Variants in LAS1L observed in about 807,000 individuals in gnomAD.
LAS1L encodes the protein ribosomal biogenesis protein LAS1L.
In LAS1L, 5 loss-of-function variants were observed where a neutral mutation model predicts 57.3. That is an observed-to-expected ratio of 0.09 (90% CI 0.05 to 0.18). The LOEUF (loss-of-function observed/expected upper bound fraction) is 0.18, where lower values mean the gene tolerates loss of function less well. Among genes scored for constraint, LAS1L ranks in the 10% least tolerant of loss-of-function variants. LAS1L has a pLI of 1.00. For missense variants in LAS1L, 360 were observed against 568.3 expected, an observed-to-expected ratio of 0.63 and a Z score of 3.73; for synonymous variants, 245 against 231.7, an observed-to-expected ratio of 1.06 and a Z score of -0.52.
intron 3 of LAS1L, among the ~76,000 whole-genome samples, chrX:65,532,047 C>T (rs760757892): frequency 8.9e-6 from 1 of 112,511 alleles, no homozygotes; most frequent in Non-Finnish European, 1.9e-5. Context: ...TCCCTCTAGC[C>T]TGTCCTTCTC....
Position 65,534,758 on chromosome X carries a change from G to T in LAS1L, c.-43C>A, listed in dbSNP as rs1362680316. 1 of 1,054,082 alleles carries T rather than the reference G, an allele frequency of 9.5e-7. No homozygotes were observed. The highest frequency in any genetic ancestry group is 1.3e-6 in the Non-Finnish European group (1 of 774,790). The allele number at this position is 1,054,082 out of a possible 1,213,427, so 86.9% of individuals were successfully genotyped here. A position where few individuals can be genotyped will look rare whatever the true frequency, so the allele number is the denominator to read the frequency against. On this transcript the variant is annotated 5_prime_UTR_variant, in exon 1 of 14. In the 5' UTR this introduces an upstream ATG that the reference lacks. Transcript: ENST00000374811. ...GCTCTGTGCCGCGCCGCTCCGCACA[G>T]CCTTCAGCTCAGCGTGCTACCCTCA...
At position 65,528,336 on chromosome X, in the gene LAS1L, T is replaced by C. The variant is rs2069278345; in HGVS notation, c.880A>G (p.Ile294Val). 1 of 1,189,897 alleles carries C rather than the reference T, an allele frequency of 8.4e-7. No individual in the cohort carries two copies. Among genetic ancestry groups the C allele is most frequent in the Non-Finnish European group, 1.1e-6 (1 of 881,730 alleles). The change falls in exon 7 of 14, where the codon ATT (isoleucine) becomes GTT (valine). Residue 294 changes from isoleucine to valine, a missense_variant. Ile to Val is a conservative substitution (Grantham distance 29). Coordinates refer to ENST00000374811, the MANE Select transcript of LAS1L (RefSeq NM_031206.7). ...LEKFRYLPKA[I>V]KAWNNPSPRV... ...GGGGACGGGTTATTCCACGCCTTAATGGCCTTAGGTAAATACCTAAATTTC... is the reference window on the plus strand; with the variant it reads ...GGGGACGGGTTATTCCACGCCTTAACGGCCTTAGGTAAATACCTAAATTTC...
At chrX:65,517,861 C>A in intron 12 of LAS1L, 126 bp downstream of exon 12, 1 of 1,077,985 alleles carries the variant, frequency 9.3e-7, no homozygotes, top group Non-Finnish European at 1.2e-6. Context: ...ATGCACCAGG[C>A]TGCCTTCCAG....
At chrX:65,533,941 T>C (rs892932889) in intron 1 of LAS1L, among the ~76,000 whole-genome samples, 1 of 111,937 alleles carries the variant, frequency 8.9e-6, no homozygotes, top group African/African-American at 3.3e-5. Flanking sequence ...CTAGGCCGTA[T>C]ACAGGACACC....
intron 13 of LAS1L, among the ~76,000 whole-genome samples, chrX:65,513,543 C>T (rs527364153): frequency 8.9e-6 from 1 of 112,354 alleles, no homozygotes; most frequent in Admixed American, 9.4e-5. Flanking sequence ...AGAACCCTTA[C>T]GGATAATCTA....
intron 7 of LAS1L, 129 bp from the exon 8 acceptor site, chrX:65,525,179 G>A: frequency 2.0e-6 from 1 of 508,368 alleles, no homozygotes; most frequent in Non-Finnish European, 3.3e-6. Context: ...AGGAGGGGTG[G>A]TGGGTGGGTA....
intron 4 of LAS1L, among the ~76,000 whole-genome samples, chrX:65,530,907 C>T (rs1569443111): frequency 9.1e-6 from 1 of 110,068 alleles, no homozygotes; most frequent in African/African-American, 3.3e-5. Flanking sequence ...CACTTGAACT[C>T]GAGAGGTGGA....
rs1247153872 is a variant in LAS1L at position 65,512,975 on chromosome X, T to A, written c.2079-74A>T. 5.1e-6 allele frequency: 5 copies of A among 974,815 alleles called. No homozygotes were observed. The African/African-American group carries it at 9.7e-5, about 19-fold the overall frequency. The allele number at this position is 974,815 out of a possible 1,213,427, so 80.3% of individuals were successfully genotyped here. ...CTGGAGGGGCCAAGAGTGCTTGACA[T>A]GTGTGTATCTGTGGGATGGGCCCAC... On this transcript the variant is annotated intron_variant, in intron 13 of 13. Transcript: ENST00000374811.
intron 6 of LAS1L, 148 bp downstream of exon 6, chrX:65,529,064 G>A (rs989018547): frequency 1.9e-6 from 1 of 531,737 alleles, no homozygotes; most frequent in Non-Finnish European, 3.4e-6. Context: ...CTCCTTCCTA[G>A]TTCCCCCCTC....
intron 12 of LAS1L, among the ~76,000 whole-genome samples, chrX:65,516,582 T>C (rs1053069600): frequency 8.3e-5 from 9 of 108,608 alleles, no homozygotes; most frequent in African/African-American, 3.0e-4. Context: ...CACAAAGCTG[T>C]ACGACAGCCT....
chrX:65,528,114 T>G, intron 7 of LAS1L, 146 bp downstream of exon 7: 1 of 432,679 alleles, frequency 2.3e-6, no homozygotes, highest in Non-Finnish European at 4.0e-6. Flanking sequence ...TTCTGCCAAA[T>G]GTAGGGTCAC....
chrX:65,517,770 G>A (rs2068703698), intron 12 of LAS1L, among the ~76,000 whole-genome samples: 1 of 112,647 alleles, frequency 8.9e-6, no homozygotes, highest in Non-Finnish European at 1.9e-5. Flanking sequence ...GTGCTCTTAT[G>A]TGAGGTAGCC....
At chrX:65,531,107 G>A (rs2069463197) in intron 4 of LAS1L, among the ~76,000 whole-genome samples, 2 of 112,432 alleles carry the variant, frequency 1.8e-5, no homozygotes, top group Non-Finnish European at 3.8e-5. Context: ...TACTAATCCC[G>A]TTTTACTTAA....
At chrX:65,526,541 G>A (rs748247247) in intron 7 of LAS1L, among the ~76,000 whole-genome samples, 1 of 111,237 alleles carries the variant, frequency 9.0e-6, no homozygotes, top group African/African-American at 3.3e-5. Flanking sequence ...AAGACTCCAG[G>A]GGCAATCCCA....
At chrX:65,527,625 G>A (rs963586031) in intron 7 of LAS1L, among the ~76,000 whole-genome samples, 12 of 110,063 alleles carry the variant, frequency 1.1e-4, no homozygotes, top group African/African-American at 4.0e-4. Context: ...TTGAGGCCAG[G>A]AGTTTGAGAC....
At chrX:65,516,742 C>A (rs962462578) in intron 12 of LAS1L, among the ~76,000 whole-genome samples, 16 of 110,097 alleles carry the variant, frequency 1.5e-4, no homozygotes, top group African/African-American at 5.0e-4. Context: ...ACACAGCCCT[C>A]CTTGCCCTAA....
chrX:65,522,409 C>A (rs1334722264), intron 11 of LAS1L: 1 of 109,877 alleles, frequency 9.1e-6, no homozygotes, highest in Non-Finnish European at 1.9e-5. Context: ...ACTGAGGCCT[C>A]GCCCGAGATT....
In LAS1L at chrX:65,532,645, G is replaced by C; in HGVS notation, c.363-15C>G. ...GATTCACAAACCTGGAGTTGAGGGA[G>C]AAATAAGTGGCACAGCCCAAGGAAC... is the stretch of plus-strand genomic sequence containing the variant. On this transcript the variant is annotated splice_polypyrimidine_tract_variant and intron_variant, in intron 2 of 13. Coordinates refer to ENST00000374811, the MANE Select transcript of LAS1L (RefSeq NM_031206.7). 1 of 1,139,383 alleles carries C rather than the reference G, an allele frequency of 8.8e-7. No homozygotes were observed. Among genetic ancestry groups the C allele is most frequent in the East Asian group, 3.0e-5 (1 of 33,604 alleles). 93.9% of individuals were successfully genotyped at this position (1,139,383 alleles called of 1,213,427 possible).
At chrX:65,518,682 G>A (rs1363525335) in intron 11 of LAS1L, 1 of 490,589 alleles carries the variant, frequency 2.0e-6, no homozygotes, top group Non-Finnish European at 2.5e-6. Flanking sequence ...GGTAAAATGA[G>A]GACAATAATG....
Sources: gnomAD v4.1 joint callset for allele counts (sites outside exome capture counted in the v4.1 genomes callset) on GRCh38, gnomAD v4.1.1 for gene constraint, MANE v1.5 for transcripts, NCBI Gene and HGNC (gene_info 2026-07-23, HGNC 2026-07-21) for gene names.